Variants in FCHSD2 observed in about 807,000 individuals in gnomAD.
FCHSD2 encodes the protein F-BAR and double SH3 domains protein 2.
Under a neutral mutation model 108.1 loss-of-function variants are expected in FCHSD2, and 38 were observed. The ratio of observed to expected loss-of-function variants is 0.35; its 90% CI spans 0.27 to 0.46. FCHSD2 has a LOEUF of 0.46. FCHSD2 is among the 20% of genes least tolerant of loss of function. The probability of loss-of-function intolerance (pLI) is 1.00; values close to 1 mark genes in which losing one functional copy is unlikely to be tolerated. For synonymous variants in FCHSD2, 279 were observed against 314.7 expected (o/e 0.89, Z 1.20); for missense variants, 751 against 897.8 (o/e 0.84, Z 2.09).
chr11:72,958,199 T>C (rs542862724), intron 8 of FCHSD2, among the ~76,000 whole-genome samples: 3 of 152,274 alleles, frequency 2.0e-5, no homozygotes, highest in African/African-American at 4.8e-5. Context: ...GGAAAACCTT[T>C]GGAGCTAAGG....
intron 12 of FCHSD2, among the ~76,000 whole-genome samples, chr11:72,871,605 G>A (rs189910850): frequency 0.042 from 1 of 24 alleles, no homozygotes; most frequent in Non-Finnish European, 0.071. Context: ...TGGAGCTGGT[G>A]CAGTGGCTTG....
intron 3 of FCHSD2, among the ~76,000 whole-genome samples, chr11:73,041,819 TA>T (rs1858646720): frequency 1.3e-5 from 2 of 152,230 alleles, no homozygotes; most frequent in African/African-American, 2.4e-5. Context: ...GTTTTAGCCA[TA>T]AAATTTTTGC....
At chr11:72,990,673 A>T (rs1348931746) in intron 5 of FCHSD2, among the ~76,000 whole-genome samples, 1 of 152,240 alleles carries the variant, frequency 6.6e-6, no homozygotes, top group East Asian at 1.9e-4. Flanking sequence ...GAACAAAGAC[A>T]CAACATACCA....
chr11:73,068,032 C>A (rs1859337837), intron 3 of FCHSD2, among the ~76,000 whole-genome samples: 1 of 151,952 alleles, frequency 6.6e-6, no homozygotes, highest in Admixed American at 6.6e-5. Flanking sequence ...CCTTATAAAA[C>A]CATCAGATCT....
chr11:72,984,298 A>T, intron 7 of FCHSD2, 82 bp from the exon 8 acceptor site: 1 of 1,308,766 alleles, frequency 7.6e-7, no homozygotes, highest in Non-Finnish European at 1.1e-6. Flanking sequence ...TTAGTTTGCA[A>T]TTAATGGCTC....
At chr11:72,878,317 T>C (rs1414611051) in intron 12 of FCHSD2, among the ~76,000 whole-genome samples, 1 of 152,144 alleles carries the variant, frequency 6.6e-6, no homozygotes, top group African/African-American at 2.4e-5. Flanking sequence ...CCTCTAATTG[T>C]CCATGTTAAT....
chr11:73,056,414 G>T (rs1486411815), intron 3 of FCHSD2, among the ~76,000 whole-genome samples: 1 of 152,112 alleles, frequency 6.6e-6, no homozygotes, highest in Non-Finnish European at 1.5e-5. Context: ...CCCCCAAAAT[G>T]TAATCTTTTT....
chr11:73,031,407 T>C (rs544180482), intron 3 of FCHSD2, among the ~76,000 whole-genome samples: 2 of 151,012 alleles, frequency 1.3e-5, no homozygotes, highest in African/African-American at 4.9e-5. Context: ...GGGCGGGAGG[T>C]GGAGGCTGCA....
intron 2 of FCHSD2, among the ~76,000 whole-genome samples, chr11:73,092,309 GT>G (rs948699430): frequency 5.4e-4 from 78 of 144,268 alleles, no homozygotes; most frequent in Admixed American, 3.5e-3. Flanking sequence ...TTAAGTTTTT[GT>G]TTTTTTTTTT....
intron 8 of FCHSD2, among the ~76,000 whole-genome samples, chr11:72,944,243 A>T (rs1243923098): frequency 1.3e-5 from 2 of 152,228 alleles, no homozygotes; most frequent in African/African-American, 4.8e-5. Context: ...GGCTGGTTCA[A>T]CATACTCAAA....
intron 2 of FCHSD2, among the ~76,000 whole-genome samples, chr11:73,129,730 CT>C (rs1257546225): frequency 2.0e-5 from 3 of 152,286 alleles, no homozygotes; most frequent in East Asian, 1.9e-4. Context: ...AACCATCCCC[CT>C]GACCCCACCC....
intron 2 of FCHSD2, among the ~76,000 whole-genome samples, chr11:73,091,582 A>C (rs1022654320): frequency 9.2e-5 from 14 of 152,052 alleles, no homozygotes; most frequent in Non-Finnish European, 1.0e-4. Flanking sequence ...AGCAAATATC[A>C]CTTCCAGACA....
intron 3 of FCHSD2, among the ~76,000 whole-genome samples, chr11:73,076,668 T>C (rs1859559686): frequency 1.3e-5 from 2 of 152,228 alleles, no homozygotes; most frequent in South Asian, 2.1e-4. Flanking sequence ...ATACTTAAGA[T>C]TGATGAATCA....
At chr11:72,962,798 C>G (rs775782859) in intron 8 of FCHSD2, among the ~76,000 whole-genome samples, 42 of 151,870 alleles carry the variant, frequency 2.8e-4, no homozygotes, top group Non-Finnish European at 4.9e-4. Flanking sequence ...ACAAAGGTCC[C>G]TCCTATTTTT....
chr11:73,065,232 C>T (rs555505004), intron 3 of FCHSD2, among the ~76,000 whole-genome samples: 3 of 152,000 alleles, frequency 2.0e-5, no homozygotes, highest in Non-Finnish European at 4.4e-5. Flanking sequence ...TAATCTATCA[C>T]GTAAACAGAA....
chr11:73,007,427 C>A (rs1857764291), intron 4 of FCHSD2, among the ~76,000 whole-genome samples: 1 of 151,936 alleles, frequency 6.6e-6, no homozygotes, highest in Non-Finnish European at 1.5e-5. Flanking sequence ...TTGAGATCAG[C>A]CTGGGCAATA....
intron 2 of FCHSD2, among the ~76,000 whole-genome samples, chr11:73,104,568 T>C (rs1327381669): frequency 2.7e-5 from 4 of 150,258 alleles, no homozygotes; most frequent in Non-Finnish European, 5.9e-5. Flanking sequence ...GCCAAAACTT[T>C]ACTTACTTAT....
chr11:72,838,833 C>A lies in FCHSD2; in HGVS notation c.2181G>T (p.Arg727Ser), dbSNP rs1369836611. 1 of 1,608,280 alleles carries A rather than the reference C, an allele frequency of 6.2e-7. No homozygotes were observed. The highest frequency in any genetic ancestry group is 8.5e-7 in the Non-Finnish European group (1 of 1,178,230). Residue 727 changes from arginine (R) to serine (S), a missense_variant, in exon 20 of 20, where the codon AGG becomes AGT. Arg to Ser is a moderately radical substitution (Grantham distance 110). Coordinates refer to ENST00000409418, the MANE Select transcript of FCHSD2 (RefSeq NM_014824.3). ...APPPPTQNHRRPAEKIEDVEI... is the reference protein window; with the variant it reads ...APPPPTQNHRSPAEKIEDVEI... ...CCACATCTTCAATCTTCTCTGCTGG[C>A]CTTCGGTGATTCTGTGTAGGTGGAG...
Position 72,988,879 on chromosome 11 carries a change from T to C in FCHSD2, c.521+85A>G, listed in dbSNP as rs943152994. On this transcript the variant is annotated intron_variant, in intron 6 of 19. Coordinates refer to ENST00000409418, the MANE Select transcript of FCHSD2 (RefSeq NM_014824.3). ...CCACCACTACCTGAGAATGGGTCCATGCTCACTACTAATAGAGAACAAACT... is the reference window on the plus strand; with the variant it reads ...CCACCACTACCTGAGAATGGGTCCACGCTCACTACTAATAGAGAACAAACT... 10 of 1,155,146 alleles carry C rather than the reference T, an allele frequency of 8.7e-6. No individual in the cohort carries two copies. The African/African-American group carries it at 9.2e-5, about 11-fold the overall frequency. The allele number at this position is 1,155,146 out of a possible 1,614,324, so 71.6% of individuals were successfully genotyped here. A position where few individuals can be genotyped will look rare whatever the true frequency, so the allele number is the denominator to read the frequency against.
Sources: gnomAD v4.1 joint callset for allele counts (sites outside exome capture counted in the v4.1 genomes callset) on GRCh38, gnomAD v4.1.1 for gene constraint, MANE v1.5 for transcripts, NCBI Gene and HGNC (gene_info 2026-07-23, HGNC 2026-07-21) for gene names.